The following NAT10 variants were observed in gnomAD, a reference collection of about 807,000 sequenced individuals.
NAT10 encodes N-acetyltransferase 10.
Under a neutral mutation model 132.2 loss-of-function variants are expected in NAT10, and 109 were observed. That is an observed-to-expected ratio of 0.82 (90% CI 0.71 to 0.97). NAT10 has a LOEUF of 0.97. Among genes scored for constraint, NAT10 ranks in the 50% least tolerant of loss-of-function variants. The pLI is 0.00. For missense variants in NAT10, 1,184 were observed against 1,263.4 expected (o/e 0.94, Z 0.95); for synonymous variants, 479 against 478.0 (o/e 1.00, Z -0.03).
At chr11:34,119,890 T>C (rs1054814948) in intron 8 of NAT10, among the ~76,000 whole-genome samples, 1 of 152,212 alleles carries the variant, frequency 6.6e-6, no homozygotes, top group Non-Finnish European at 1.5e-5. Context: ...GAAGAGAAGT[T>C]GCTGGATGAG....
intron 21 of NAT10, chr11:34,138,828 T>G: frequency 5.0e-6 from 1 of 198,874 alleles, no homozygotes; most frequent in Non-Finnish European, 1.0e-5. Flanking sequence ...GTTGACTGGA[T>G]TGTGTGGCGC....
chr11:34,129,590 C>T (rs1179698421), intron 12 of NAT10, among the ~76,000 whole-genome samples: 4 of 119,476 alleles, frequency 3.3e-5, no homozygotes, highest in East Asian at 2.4e-4. Context: ...TCACTTTCTT[C>T]TTCTTCTTCT....
intron 4 of NAT10, among the ~76,000 whole-genome samples, chr11:34,113,475 C>G (rs182061743): frequency 9.3e-4 from 141 of 151,946 alleles, no homozygotes; most frequent in Non-Finnish European, 1.2e-3. Context: ...CTGAAGTCTT[C>G]TTTTTGCCTT....
chr11:34,124,155 T>G (rs1851944121), intron 10 of NAT10, 147 bp from the exon 11 acceptor site: 1 of 619,110 alleles, frequency 1.6e-6, no homozygotes, highest in African/African-American at 1.9e-5. Context: ...GGCTCGAAAC[T>G]CCATCTCAAA....
chr11:34,124,125 C>T (rs1369821342), intron 10 of NAT10, among the ~76,000 whole-genome samples, 177 bp from the exon 11 acceptor site: 1 of 151,824 alleles, frequency 6.6e-6, no homozygotes, highest in East Asian at 1.9e-4. Context: ...GCTGAGATCA[C>T]GCCACTGCAC....
intron 15 of NAT10, 117 bp from the exon 16 acceptor site, chr11:34,132,909 C>T: frequency 1.3e-6 from 1 of 782,832 alleles, no homozygotes. Context: ...GACTTCTGCT[C>T]CTCACTTGGC....
chr11:34,127,632 G>T (rs374071073), intron 12 of NAT10, 33 bp downstream of exon 12: 2 of 1,580,902 alleles, frequency 1.3e-6, no homozygotes, highest in African/African-American at 2.7e-5. Context: ...CCTTACTCCC[G>T]TGGCAGGCTC....
intron 8 of NAT10, among the ~76,000 whole-genome samples, chr11:34,119,994 C>T (rs1046145637): frequency 6.6e-6 from 1 of 152,176 alleles, no homozygotes; most frequent in Non-Finnish European, 1.5e-5. Context: ...AGCCGTGATT[C>T]CTAGTAAACT....
chr11:34,113,263 G>C (rs971969264), intron 4 of NAT10, among the ~76,000 whole-genome samples: 1 of 152,208 alleles, frequency 6.6e-6, no homozygotes, highest in African/African-American at 2.4e-5. Flanking sequence ...ATCAGTGAAG[G>C]TTGGAAAATT....
At chr11:34,146,063 C>T (rs770090805) in intron 28 of NAT10, 21 bp from the exon 29 acceptor site, 1 of 1,510,280 alleles carries the variant, frequency 6.6e-7, no homozygotes, top group African/African-American at 1.4e-5. Context: ...TTCATTCTTT[C>T]TATTTTTGAT....
At chr11:34,130,706 G>A in intron 12 of NAT10, 107 bp from the exon 13 acceptor site, 2 of 1,380,550 alleles carry the variant, frequency 1.4e-6, no homozygotes, top group Non-Finnish European at 2.0e-6. Flanking sequence ...TGTCCTGGGG[G>A]AAGCAGGGGT....
At position 34,140,435 on chromosome 11, in the gene NAT10, C is replaced by T; in HGVS notation, c.2455C>T (p.Pro819Ser). 6.2e-7 allele frequency: 1 copy of T among 1,614,072 alleles called. No homozygotes were observed. Among genetic ancestry groups the T allele is most frequent in the Non-Finnish European group, 8.5e-7 (1 of 1,179,954 alleles). Residue 819 changes from proline to serine, a missense_variant, in exon 24 of 29, where the codon CCC (proline) becomes TCC (serine). Transcript: ENST00000257829. Reference sequence around the variant, plus strand: ...GGAGGAGCTGGAAGCACTCTTCCTCCCCTATGACCTGAAGCGGCTGGAGAT... The same window carrying T: ...GGAGGAGCTGGAAGCACTCTTCCTCTCCTATGACCTGAAGCGGCTGGAGAT... ...SREELEALFLPYDLKRLEMYS... is the reference protein window; with the variant it reads ...SREELEALFLSYDLKRLEMYS...
chr11:34,122,365 C>A, intron 8 of NAT10, 94 bp from the exon 9 acceptor site: 1 of 1,526,820 alleles, frequency 6.5e-7, no homozygotes. Flanking sequence ...CTTATTTAGC[C>A]TGGCATCAAC....
rs746724511 is a variant in NAT10 at position 34,123,744 on chromosome 11, T to C, written c.915-18T>C. On this transcript the variant is annotated intron_variant, in intron 9 of 28. Coordinates refer to ENST00000257829, the MANE Select transcript of NAT10 (RefSeq NM_024662.3). ...GTTCCTAATTTCTTAAAAATCCTTC[T>C]TTTATTTTGTTCTGTAGGTACTCCA... is the stretch of plus-strand genomic sequence containing the variant. 3 of 1,512,380 alleles carry C rather than the reference T, an allele frequency of 2.0e-6. No homozygotes were observed. Among genetic ancestry groups the C allele is most frequent in the Non-Finnish European group, 2.7e-6 (3 of 1,099,356 alleles). 93.7% of individuals were successfully genotyped at this position (1,512,380 alleles called of 1,614,324 possible).
intron 4 of NAT10, 117 bp downstream of exon 4, chr11:34,112,340 T>C: frequency 8.2e-7 from 1 of 1,215,178 alleles, no homozygotes; most frequent in Non-Finnish European, 1.2e-6. Flanking sequence ...ATGTTCCCTA[T>C]GCCCAAGCAT....
chr11:34,118,330 G>C (rs371274109), intron 7 of NAT10, 36 bp downstream of exon 7: 1 of 1,611,604 alleles, frequency 6.2e-7, no homozygotes, highest in Non-Finnish European at 8.5e-7. Context: ...TCTGGGGGAG[G>C]CTACGTTTTC....
At position 34,140,437 on chromosome 11, in the gene NAT10, C is replaced by CT; in HGVS notation, c.2458dup (p.Tyr820LeufsTer2). Reference sequence around the variant, plus strand: ...AGGAGCTGGAAGCACTCTTCCTCCCCTATGACCTGAAGCGGCTGGAGATGT... The same window carrying CT: ...AGGAGCTGGAAGCACTCTTCCTCCCCTTATGACCTGAAGCGGCTGGAGATGT... On this transcript the variant is annotated frameshift_variant, in exon 24 of 29. Coordinates refer to ENST00000257829, the MANE Select transcript of NAT10 (RefSeq NM_024662.3). LOFTEE classifies it high-confidence loss of function. The CT allele has an allele frequency of 1.2e-6, 2 of 1,614,162 alleles. No individual in the cohort carries two copies. The highest frequency in any genetic ancestry group is 1.7e-6 in the Non-Finnish European group (2 of 1,180,004).
intron 5 of NAT10, 49 bp from the exon 6 acceptor site, chr11:34,115,774 C>T (rs1851773514): frequency 6.3e-7 from 1 of 1,597,504 alleles, no homozygotes; most frequent in Non-Finnish European, 8.6e-7. Flanking sequence ...CCCTGGTCCT[C>T]AGCACTGTTT....
rs946652506 is a variant in NAT10 at position 34,140,798 on chromosome 11, C to T, written c.2592+226C>T. On this transcript the variant is annotated intron_variant, in intron 24 of 28. Transcript: ENST00000257829. ...GAGAGCTGCAGCTTCCACCCCACTA[C>T]GTTGCCTTGACACTTAACTCCACCT... Among the ~76,000 whole-genome samples the T allele has an allele frequency of 2.6e-5, 4 of 152,094 alleles. No individual in the cohort carries two copies. In the East Asian group the frequency reaches 5.8e-4, roughly 22 times the overall value.
Sources: gnomAD v4.1 joint callset for allele counts (sites outside exome capture counted in the v4.1 genomes callset) on GRCh38, gnomAD v4.1.1 for gene constraint, MANE v1.5 for transcripts, NCBI Gene and HGNC (gene_info 2026-07-23, HGNC 2026-07-21) for gene names.